Variants in PRKAR2A observed in about 807,000 individuals in gnomAD.
PRKAR2A encodes the protein protein kinase cAMP-dependent type II regulatory subunit alpha.
A neutral mutation model predicts 51.9 loss-of-function variants in PRKAR2A; 29 were observed. The ratio of observed to expected loss-of-function variants is 0.56; its 90% CI spans 0.42 to 0.76. The LOEUF (loss-of-function observed/expected upper bound fraction) is 0.76, where lower values mean the gene tolerates loss of function less well. PRKAR2A is among the 30% of genes least tolerant of loss of function. PRKAR2A has a pLI of 0.00. For missense variants in PRKAR2A, 445 were observed against 512.1 expected, an observed-to-expected ratio of 0.87 and a Z score of 1.26; for synonymous variants, 178 against 186.2, an observed-to-expected ratio of 0.96 and a Z score of 0.36.
chr3:48,843,470 A>G (rs2083411210), intron 1 of PRKAR2A, among the ~76,000 whole-genome samples: 1 of 152,136 alleles, frequency 6.6e-6, no homozygotes, highest in Admixed American at 6.6e-5. Flanking sequence ...TTCTTCACAA[A>G]ATTGGAAAAA....
At position 48,800,767 on chromosome 3, in the gene PRKAR2A, G is replaced by A. The variant is rs567159145; in HGVS notation, c.299-6718C>T. Among the ~76,000 whole-genome samples the A allele has an allele frequency of 7.9e-5, 12 of 151,796 alleles. 1 individual carries two copies. The highest frequency in any genetic ancestry group is 2.7e-4 in the African/African-American group (11 of 41,440). On this transcript the variant is annotated intron_variant, in intron 2 of 10. Coordinates refer to ENST00000265563, the MANE Select transcript of PRKAR2A (RefSeq NM_004157.4). ...CGGCTCACTGCAAGCTCCACCTCCC[G>A]GGTTCACGCCATTCTCCTGCCTCAG...
intron 1 of PRKAR2A, among the ~76,000 whole-genome samples, chr3:48,818,956 T>C (rs1191648686): frequency 6.6e-6 from 1 of 152,160 alleles, no homozygotes; most frequent in Non-Finnish European, 1.5e-5. Flanking sequence ...TACTGCAGTT[T>C]CACATTTTTT....
chr3:48,828,981 A>G (rs989151093), intron 1 of PRKAR2A, among the ~76,000 whole-genome samples: 1 of 151,708 alleles, frequency 6.6e-6, no homozygotes, highest in Non-Finnish European at 1.5e-5. Context: ...CTACAAGCAC[A>G]TATCACCACA....
Position 48,747,976 on chromosome 3 carries a change from A to G in PRKAR2A, c.*3609T>C, listed in dbSNP as rs1428818497. On this transcript the variant is annotated 3_prime_UTR_variant, in exon 11 of 11. Transcript: ENST00000265563. ...AATTGGAACGCTGTCAGGTCCTGGCACCGTGGTAATGGCTATATCCTATTT... is the reference window on the plus strand; with the variant it reads ...AATTGGAACGCTGTCAGGTCCTGGCGCCGTGGTAATGGCTATATCCTATTT... 5 of 152,220 alleles carry G rather than the reference A, an allele frequency of 3.3e-5. No homozygotes were observed. The highest frequency in any genetic ancestry group is 1.3e-4 in the Admixed American group (2 of 15,268). 9.4% of individuals were successfully genotyped at this position (152,220 alleles called of 1,614,324 possible). A position where few individuals can be genotyped will look rare whatever the true frequency, so the allele number is the denominator to read the frequency against.
At chr3:48,790,438 G>T in intron 4 of PRKAR2A, 106 bp downstream of exon 4, 1 of 671,590 alleles carries the variant, frequency 1.5e-6, no homozygotes, top group Non-Finnish European at 2.4e-6. Flanking sequence ...AAGGTTTTAT[G>T]CTTAACACGG....
chr3:48,768,245 G>C (rs1160062073), intron 6 of PRKAR2A, among the ~76,000 whole-genome samples: 1 of 151,900 alleles, frequency 6.6e-6, no homozygotes, highest in Non-Finnish European at 1.5e-5. Context: ...AGTGAGGTGT[G>C]AGAGCACCAC....
intron 1 of PRKAR2A, among the ~76,000 whole-genome samples, chr3:48,833,322 G>C (rs1432323065): frequency 6.6e-6 from 1 of 152,116 alleles, no homozygotes; most frequent in South Asian, 2.1e-4. Context: ...TTATAGGCGT[G>C]AGCCACTGCA....
At chr3:48,797,133 T>C (rs2107330446) in intron 2 of PRKAR2A, among the ~76,000 whole-genome samples, 1 of 152,122 alleles carries the variant, frequency 6.6e-6, no homozygotes, top group East Asian at 1.9e-4. Flanking sequence ...GACAGGCTGA[T>C]ACATACCACT....
At chr3:48,807,471 A>G (rs1164626341) in intron 2 of PRKAR2A, among the ~76,000 whole-genome samples, 178 bp downstream of exon 2, 1 of 152,244 alleles carries the variant, frequency 6.6e-6, no homozygotes, top group Non-Finnish European at 1.5e-5. Flanking sequence ...AGTATAAAAT[A>G]CGTACATACA....
At chr3:48,837,905 A>G (rs968936515) in intron 1 of PRKAR2A, among the ~76,000 whole-genome samples, 4 of 152,272 alleles carry the variant, frequency 2.6e-5, no homozygotes, top group African/African-American at 9.6e-5. Context: ...TTGGCTGGGC[A>G]CGGTGGCTAA....
At position 48,842,587 on chromosome 3, in the gene PRKAR2A, C is replaced by A. The variant is rs866280288; in HGVS notation, c.262+4748G>T. Among the ~76,000 whole-genome samples the A allele has an allele frequency of 3.9e-5, 6 of 152,180 alleles. 1 individual carries two copies. Among genetic ancestry groups the A allele is most frequent in the Admixed American group, 6.6e-5 (1 of 15,262 alleles). On this transcript the variant is annotated intron_variant, in intron 1 of 10. Transcript: ENST00000265563. ...GCTCTTATTATTTTGAGATACATCC[C>A]ATCAATACCTAATTTATTGAGCGTT...
intron 2 of PRKAR2A, among the ~76,000 whole-genome samples, chr3:48,802,931 C>T (rs556490573): frequency 6.6e-6 from 1 of 152,262 alleles, no homozygotes; most frequent in African/African-American, 2.4e-5. Flanking sequence ...GGGATGGGAT[C>T]TCGCACAGGT....
At chr3:48,812,826 TAAAC>T (rs2082798263) in intron 1 of PRKAR2A, among the ~76,000 whole-genome samples, 2 of 152,220 alleles carry the variant, frequency 1.3e-5, no homozygotes, top group Non-Finnish European at 2.9e-5. Context: ...ATGTTCTAAT[TAAAC>T]TTGAAAAAAT....
intron 1 of PRKAR2A, among the ~76,000 whole-genome samples, chr3:48,833,688 C>T (rs917844826): frequency 1.4e-5 from 2 of 139,418 alleles, no homozygotes; most frequent in African/African-American, 2.7e-5. Context: ...TCAGCCTGGG[C>T]GACAAGAGTG....
At chr3:48,752,915 CCTTTT>C (rs2081678590) in intron 9 of PRKAR2A, among the ~76,000 whole-genome samples, 2 of 130,948 alleles carry the variant, frequency 1.5e-5, no homozygotes, top group South Asian at 2.5e-4. Context: ...GTTCCCTCCT[CCTTTT>C]TTTTTTTTTT....
At chr3:48,801,461 G>C (rs1333854286) in intron 2 of PRKAR2A, among the ~76,000 whole-genome samples, 1 of 151,894 alleles carries the variant, frequency 6.6e-6, no homozygotes, top group African/African-American at 2.4e-5. Flanking sequence ...CCAAATTTTT[G>C]TATTTTTAGT....
Position 48,789,724 on chromosome 3 carries a change from C to T in PRKAR2A, c.435+820G>A, listed in dbSNP as rs575022988. On this transcript the variant is annotated intron_variant, in intron 4 of 10. Coordinates refer to ENST00000265563, the MANE Select transcript of PRKAR2A (RefSeq NM_004157.4). Reference sequence around the variant, plus strand: ...GGCTGGTCTTGAACTCCACCCACCTCGGCCTCCCAGAGTGCTAGGATTACA... The same window carrying T: ...GGCTGGTCTTGAACTCCACCCACCTTGGCCTCCCAGAGTGCTAGGATTACA... Among the ~76,000 whole-genome samples the T allele has an allele frequency of 7.9e-5, 12 of 151,966 alleles. No homozygotes were observed. In the South Asian group the frequency reaches 8.3e-4, roughly 11 times the overall value.
chr3:48,774,060 T>C (rs1021249210), intron 5 of PRKAR2A, among the ~76,000 whole-genome samples: 1 of 152,088 alleles, frequency 6.6e-6, no homozygotes. Context: ...CTGGAACTCC[T>C]GGGCTCAAGC....
chr3:48,766,217 A>C (rs1045242967), intron 6 of PRKAR2A, among the ~76,000 whole-genome samples: 2 of 151,410 alleles, frequency 1.3e-5, no homozygotes, highest in South Asian at 2.1e-4. Context: ...ACTATGTCCC[A>C]AAAACAACAA....
Sources: gnomAD v4.1 joint callset for allele counts (sites outside exome capture counted in the v4.1 genomes callset) on GRCh38, gnomAD v4.1.1 for gene constraint, MANE v1.5 for transcripts, NCBI Gene and HGNC (gene_info 2026-07-23, HGNC 2026-07-21) for gene names.